The following DNAH12 variants were observed in gnomAD, a reference collection of about 807,000 sequenced individuals.
DNAH12 encodes dynein axonemal heavy chain 12.
In DNAH12, 285 loss-of-function variants were observed where a neutral mutation model predicts 371.5. The observed-to-expected ratio is 0.77, with a 90% CI of 0.70 to 0.85. The LOEUF is 0.85. Ranked by LOEUF, DNAH12 falls within the 40% of genes least tolerant of loss-of-function variation. DNAH12 has a pLI of 0.00. For synonymous variants in DNAH12, 1,200 were observed against 1,213.0 expected (o/e 0.99, Z 0.22); for missense variants, 3,611 against 3,689.4 (o/e 0.98, Z 0.55).
intron 4 of DNAH12, among the ~76,000 whole-genome samples, chr3:57,521,320 C>T (rs921349703): frequency 2.6e-5 from 4 of 151,434 alleles, no homozygotes; most frequent in Non-Finnish European, 5.9e-5. Flanking sequence ...AATTGCTTTC[C>T]GCCATTCATT....
At chr3:57,344,681 C>T (rs781862710) in intron 60 of DNAH12, among the ~76,000 whole-genome samples, 16 of 152,176 alleles carry the variant, frequency 1.1e-4, no homozygotes, top group Admixed American at 6.5e-5. Context: ...CAGTGAAATA[C>T]GCCAGGAACA....
chr3:57,424,741 C>T (rs1029209003), intron 35 of DNAH12, among the ~76,000 whole-genome samples: 3 of 149,708 alleles, frequency 2.0e-5, no homozygotes, highest in Non-Finnish European at 4.4e-5. Flanking sequence ...GCTGAGATCA[C>T]GTCACTGCAC....
At chr3:57,374,028 A>G (rs2063231562) in intron 55 of DNAH12, among the ~76,000 whole-genome samples, 1 of 152,212 alleles carries the variant, frequency 6.6e-6, no homozygotes, top group African/African-American at 2.4e-5. Context: ...TCTTTAATTT[A>G]TCTCATCTAA....
intron 2 of DNAH12, among the ~76,000 whole-genome samples, chr3:57,527,272 G>T (rs1480285557): frequency 6.6e-6 from 1 of 152,132 alleles, no homozygotes; most frequent in African/African-American, 2.4e-5. Flanking sequence ...CATGGCAGGA[G>T]GATTGCTTGA....
chr3:57,423,462 C>T (rs140056031), intron 35 of DNAH12, among the ~76,000 whole-genome samples: 180 of 151,860 alleles, frequency 1.2e-3, no homozygotes, highest in African/African-American at 4.1e-3. Flanking sequence ...GATATAAAGG[C>T]GAAAAAGGAG....
chr3:57,377,189 C>T lies in DNAH12; in HGVS notation c.8257G>A (p.Ala2753Thr), dbSNP rs2063297663. ...ATTGTCTCAGCTAAAGACTTCTGAG[C>T]TTCTGATAAGCGAGCTTTCTTAGGA... ...VAPKKARLSEAQKSLAETMEL... is the reference protein window; with the variant it reads ...VAPKKARLSETQKSLAETMEL... Residue 2753 changes from alanine to threonine, a missense_variant, in exon 53 of 74, where the codon GCT (alanine) becomes ACT (threonine). Physicochemically the swap from Ala to Thr is moderately conservative, Grantham distance 58. This residue lies in a region of DNAH12 where 2,266 missense variants were observed against 2,236.9 expected (regional missense o/e 1.01). Transcript: ENST00000495027. The T allele has an allele frequency of 6.6e-6, 1 of 152,144 alleles. No individual in the cohort carries two copies. The highest frequency in any genetic ancestry group is 2.1e-4 in the South Asian group (1 of 4,832). The allele number at this position is 152,144 out of a possible 1,614,324, so 9.4% of individuals were successfully genotyped here.
chr3:57,486,356 G>C (rs1198390323), intron 12 of DNAH12, among the ~76,000 whole-genome samples: 1 of 152,028 alleles, frequency 6.6e-6, no homozygotes, highest in Non-Finnish European at 1.5e-5. Context: ...GATCTCTTGA[G>C]CCCAGGAGGT....
chr3:57,452,776 G>C (rs1267744329), intron 25 of DNAH12, 67 bp downstream of exon 25: 8 of 1,403,916 alleles, frequency 5.7e-6, no homozygotes, highest in Non-Finnish European at 6.7e-6. Flanking sequence ...TAAGACAAGA[G>C]AGAAAAGATG....
intron 6 of DNAH12, 151 bp from the exon 7 acceptor site, chr3:57,508,691 T>G: frequency 1.6e-5 from 13 of 798,592 alleles, no homozygotes; most frequent in Non-Finnish European, 2.5e-5. Flanking sequence ...CCTTAAGATA[T>G]ATGCATTTAA....
At chr3:57,420,306 C>T (rs1259371624) in intron 36 of DNAH12, among the ~76,000 whole-genome samples, 2 of 152,164 alleles carry the variant, frequency 1.3e-5, no homozygotes, top group Non-Finnish European at 2.9e-5. Context: ...CCCCCTAAGA[C>T]CCGATTCCAG....
intron 13 of DNAH12, among the ~76,000 whole-genome samples, chr3:57,476,740 T>C (rs909094225): frequency 6.6e-6 from 1 of 152,232 alleles, no homozygotes; most frequent in African/African-American, 2.4e-5. Flanking sequence ...TTTTGGTATA[T>C]GTGTTGTTTA....
Position 57,323,896 on chromosome 3 carries a change from AT to A in DNAH12, c.9979-278del, listed in dbSNP as rs369912557. On this transcript the variant is annotated intron_variant, in intron 62 of 73. Coordinates refer to ENST00000495027, the MANE Select transcript of DNAH12 (RefSeq NM_001366028.2). The stretch of plus-strand genomic sequence containing the variant: ...ATATGAGGGATGCTCAATGTCACTC[AT>A]TATAGCAGAGATTGCATATTGTCCC... 1.4e-4 allele frequency among the ~76,000 whole-genome samples: 22 copies of A among 152,324 alleles called. No homozygotes were observed. In the South Asian group the frequency reaches 4.6e-3, roughly 32 times the overall value.
chr3:57,314,766 A>G (rs2061651593), intron 65 of DNAH12, 135 bp from the exon 66 acceptor site: 1 of 933,722 alleles, frequency 1.1e-6, no homozygotes, highest in African/African-American at 1.7e-5. Context: ...TTTTAAAAAA[A>G]TCCTATCTAA....
At chr3:57,402,850 T>G (rs1157806728) in intron 43 of DNAH12, among the ~76,000 whole-genome samples, 11 of 152,248 alleles carry the variant, frequency 7.2e-5, no homozygotes, top group African/African-American at 2.7e-4. Flanking sequence ...AAGATCGATG[T>G]TCTACGTGAT....
intron 36 of DNAH12, among the ~76,000 whole-genome samples, chr3:57,421,237 A>C (rs955964080): frequency 2.0e-5 from 3 of 152,220 alleles, no homozygotes; most frequent in African/African-American, 7.2e-5. Context: ...AATTTGTATG[A>C]ATCAAATAAT....
In DNAH12 at chr3:57,293,854, A is replaced by G; in HGVS notation, c.11810T>C (p.Leu3937Ser). 3 of 1,551,000 alleles carry G rather than the reference A, an allele frequency of 1.9e-6. No homozygotes were observed. The highest frequency in any genetic ancestry group is 2.6e-6 in the Non-Finnish European group (3 of 1,146,682). Residue 3937 changes from leucine (L) to serine (S), a missense_variant, in exon 74 of 74, where the codon TTG becomes TCG. Physicochemically the swap from Leu to Ser is moderately radical, Grantham distance 145 (BLOSUM62 -2). Coordinates refer to ENST00000495027, the MANE Select transcript of DNAH12 (RefSeq NM_001366028.2). ...GHSTNFVIAM[L>S]LKTDQPTRHW... Reference sequence around the variant, plus strand: ...CCGAGTAGGTTGGTCTGTTTTTAACAACATTGCAATGACAAAGTTAGTAGA... The same window carrying G: ...CCGAGTAGGTTGGTCTGTTTTTAACGACATTGCAATGACAAAGTTAGTAGA...
chr3:57,502,739 G>C (rs1025170286), intron 9 of DNAH12, among the ~76,000 whole-genome samples: 1 of 152,082 alleles, frequency 6.6e-6, no homozygotes, highest in African/African-American at 2.4e-5. Flanking sequence ...TAGAGACGGG[G>C]TTTCACCATG....
Position 57,309,266 on chromosome 3 carries a change from G to T in DNAH12, c.11086-12C>A. On this transcript the variant is annotated splice_polypyrimidine_tract_variant and intron_variant, in intron 68 of 73. Coordinates refer to ENST00000495027, the MANE Select transcript of DNAH12 (RefSeq NM_001366028.2). ...AAATCACTAGGGAGCTAAAAGAATAGATTTTGAAGATCACAAATTATTCTC... is the reference window on the plus strand; with the variant it reads ...AAATCACTAGGGAGCTAAAAGAATATATTTTGAAGATCACAAATTATTCTC... 2 of 1,524,838 alleles carry T rather than the reference G, an allele frequency of 1.3e-6. No individual in the cohort carries two copies. 94.5% of individuals were successfully genotyped at this position (1,524,838 alleles called of 1,614,324 possible).
rs145900124 is a variant in DNAH12, at chr3:57,458,859, T to C, written c.2932-639A>G. Among the ~76,000 whole-genome samples the C allele has an allele frequency of 1.2e-4, 18 of 152,264 alleles. No homozygotes were observed. In the East Asian group the frequency reaches 3.5e-3, roughly 29 times the overall value. ...CCTAAAATATTTACTATTTGGACCT[T>C]AGCAGAAAAAAATTGCTGACCTCTG... On this transcript the variant is annotated intron_variant, in intron 20 of 73. Coordinates refer to ENST00000495027, the MANE Select transcript of DNAH12 (RefSeq NM_001366028.2).
Sources: allele counts gnomAD v4.1 joint callset (sites outside exome capture counted in the v4.1 genomes callset), GRCh38; gene constraint gnomAD v4.1.1; regional missense constraint gnomAD v4.1.1; transcripts MANE v1.5; gene names NCBI Gene and HGNC (gene_info 2026-07-23, HGNC 2026-07-21).